Variants in CTNND2 observed in about 807,000 individuals in gnomAD.
CTNND2 encodes the protein catenin delta-2.
Under a neutral mutation model 144.4 loss-of-function variants are expected in CTNND2, and 22 were observed. That is an observed-to-expected ratio of 0.15 (90% confidence interval 0.11 to 0.22). The LOEUF (loss-of-function observed/expected upper bound fraction) is 0.22. Ranked by LOEUF, CTNND2 falls within the 10% of genes least tolerant of loss-of-function variation. The pLI is 1.00. For synonymous variants in CTNND2, 751 were observed against 695.6 expected (o/e 1.08, Z -1.25); for missense variants, 1,353 against 1,618.8 (o/e 0.84, Z 2.82).
intron 9 of CTNND2, among the ~76,000 whole-genome samples, chr5:11,295,589 A>G (rs1361875962): frequency 6.6e-6 from 1 of 152,222 alleles, no homozygotes; most frequent in African/African-American, 2.4e-5. Flanking sequence ...AATATACTAC[A>G]AGGCTACAGT....
chr5:11,819,721 G>A (rs1268676561), intron 1 of CTNND2, among the ~76,000 whole-genome samples: 2 of 152,116 alleles, frequency 1.3e-5, no homozygotes, highest in African/African-American at 4.8e-5. Flanking sequence ...TGTTGCCAGG[G>A]ACATGGAAAT....
At chr5:11,354,429 T>C (rs886591456) in intron 8 of CTNND2, among the ~76,000 whole-genome samples, 2 of 152,224 alleles carry the variant, frequency 1.3e-5, no homozygotes, top group African/African-American at 4.8e-5. Context: ...AAATTAGGGA[T>C]ATAGCTTGGA....
In CTNND2 at chr5:10,984,576, TTTCCCCTCACTCGTTTA is replaced by T. The variant is rs1317589694; in HGVS notation, c.3344-2747_3344-2731del. Among the ~76,000 whole-genome samples the T allele has an allele frequency of 3.0e-4, 45 of 152,324 alleles. No individual in the cohort carries two copies. The East Asian group carries it at 7.5e-3, about 25-fold the overall frequency. ...CCTAGGATGTTAATACTGGAAGTTC[TTTCCCCTCACTCGTTTA>T]AACGAGACCATAGCTGAGACTGAAT... On this transcript the variant is annotated intron_variant, in intron 20 of 21. Transcript: ENST00000304623.
At chr5:11,139,062 G>A (rs1449916260) in intron 12 of CTNND2, among the ~76,000 whole-genome samples, 1 of 151,976 alleles carries the variant, frequency 6.6e-6, no homozygotes, top group African/African-American at 2.4e-5. Context: ...CGGGATTCAA[G>A]TGATTCCCAT....
chr5:11,832,622 C>T (rs1193542534), intron 1 of CTNND2, among the ~76,000 whole-genome samples: 2 of 152,062 alleles, frequency 1.3e-5, no homozygotes, highest in Non-Finnish European at 2.9e-5. Flanking sequence ...ATGCTACTAC[C>T]CACCTACTAA....
At chr5:11,342,249 T>C (rs1354438552) in intron 9 of CTNND2, among the ~76,000 whole-genome samples, 2 of 151,658 alleles carry the variant, frequency 1.3e-5, no homozygotes, top group Non-Finnish European at 2.9e-5. Context: ...AAGATAAATG[T>C]TGTTACTATT....
At chr5:11,217,079 T>G (rs1306168132) in intron 10 of CTNND2, among the ~76,000 whole-genome samples, 1 of 152,240 alleles carries the variant, frequency 6.6e-6, no homozygotes, top group Non-Finnish European at 1.5e-5. Context: ...TTGTCCATTT[T>G]CTTGACTCAA....
At chr5:11,526,939 T>C (rs1240048419) in intron 3 of CTNND2, among the ~76,000 whole-genome samples, 1 of 152,138 alleles carries the variant, frequency 6.6e-6, no homozygotes, top group Non-Finnish European at 1.5e-5. Flanking sequence ...ACATGCTCAA[T>C]ATAGATGAAT....
chr5:11,040,247 AAAAAAC>A (rs199808771), intron 16 of CTNND2, among the ~76,000 whole-genome samples: 2,906 of 152,224 alleles, frequency 0.019, 94 homozygotes, highest in African/African-American at 0.067. Flanking sequence ...CTCAGTCTCA[AAAAAAC>A]AAAAACAAAA....
intron 3 of CTNND2, among the ~76,000 whole-genome samples, chr5:11,481,330 C>G (rs1768245162): frequency 6.6e-6 from 1 of 152,160 alleles, no homozygotes. Flanking sequence ...CTTGCACCTT[C>G]AACAAGTTTC....
At chr5:11,043,390 G>A (rs1344750352) in intron 16 of CTNND2, among the ~76,000 whole-genome samples, 5 of 152,052 alleles carry the variant, frequency 3.3e-5, no homozygotes, top group Non-Finnish European at 7.4e-5. Flanking sequence ...CATTCATATT[G>A]TAGGCTTATG....
intron 8 of CTNND2, among the ~76,000 whole-genome samples, chr5:11,359,559 G>T (rs1414137730): frequency 6.6e-6 from 1 of 152,210 alleles, no homozygotes; most frequent in Non-Finnish European, 1.5e-5. Flanking sequence ...TAGGCTGCCA[G>T]ATCTCTGGAG....
intron 9 of CTNND2, among the ~76,000 whole-genome samples, chr5:11,255,033 T>C (rs1258487851): frequency 4.6e-5 from 7 of 152,238 alleles, no homozygotes; most frequent in Admixed American, 1.3e-4. Context: ...GGTTTAGGGA[T>C]GCATTTCAAA....
At position 11,120,198 on chromosome 5, in the gene CTNND2, G is replaced by A. The variant is rs538595186; in HGVS notation, c.2160-2631C>T. Among the ~76,000 whole-genome samples, 5 of 152,358 alleles carry A rather than the reference G, an allele frequency of 3.3e-5. 1 individual carries two copies. In the South Asian group the frequency reaches 1.0e-3, roughly 32 times the overall value. ...CTCAGCAGAGAAGGGGAGTGACTGA[G>A]ATACGCCTACACCCACACAGCACCT... On this transcript the variant is annotated intron_variant, in intron 12 of 21. Coordinates refer to ENST00000304623, the MANE Select transcript of CTNND2 (RefSeq NM_001332.4).
chr5:11,804,230 G>T (rs1435765716), intron 1 of CTNND2, among the ~76,000 whole-genome samples: 1 of 152,088 alleles, frequency 6.6e-6, no homozygotes, highest in African/African-American at 2.4e-5. Context: ...AGCACAACAG[G>T]CCCTCTCATT....
chr5:11,056,713 T>C (rs989321173), intron 16 of CTNND2, among the ~76,000 whole-genome samples: 1 of 152,212 alleles, frequency 6.6e-6, no homozygotes, highest in African/African-American at 2.4e-5. Context: ...AGTAATAATT[T>C]AGAGCTCAGT....
chr5:11,411,779 A>G, intron 4 of CTNND2, 127 bp from the exon 5 acceptor site: 1 of 726,982 alleles, frequency 1.4e-6, no homozygotes, highest in East Asian at 2.7e-5. Context: ...TTCATTAGCT[A>G]TTCCATTTTA....
chr5:11,525,556 A>G (rs999018472), intron 3 of CTNND2, among the ~76,000 whole-genome samples: 5 of 152,232 alleles, frequency 3.3e-5, no homozygotes, highest in African/African-American at 1.2e-4. Flanking sequence ...AGCTAGGACA[A>G]GAACAGCAGT....
At chr5:11,293,847 T>C (rs906432331) in intron 9 of CTNND2, among the ~76,000 whole-genome samples, 3 of 147,538 alleles carry the variant, frequency 2.0e-5, no homozygotes, top group Admixed American at 6.7e-5. Context: ...TATATATGTA[T>C]ATATATTTCC....
Sources: gnomAD v4.1 joint callset for allele counts (sites outside exome capture counted in the v4.1 genomes callset) on GRCh38, gnomAD v4.1.1 for gene constraint, MANE v1.5 for transcripts, NCBI Gene and HGNC (gene_info 2026-07-23, HGNC 2026-07-21) for gene names.